SEH1L: variants seen among roughly 807,000 people sequenced by gnomAD.
SEH1L encodes SEH1 like nucleoporin.
SEH1L carries 18 observed loss-of-function variants against 49.5 expected under a neutral mutation model. That is an observed-to-expected ratio of 0.36 (90% CI 0.25 to 0.54). The LOEUF (loss-of-function observed/expected upper bound fraction) is 0.54. Among genes scored for constraint, SEH1L ranks in the 20% least tolerant of loss-of-function variants. The probability of loss-of-function intolerance (pLI) is 0.87; values close to 1 mark genes in which losing one functional copy is unlikely to be tolerated. For missense variants in SEH1L, 404 were observed against 528.8 expected, an observed-to-expected ratio of 0.76 and a Z score of 2.31; for synonymous variants, 169 against 178.1, an observed-to-expected ratio of 0.95 and a Z score of 0.41.
chr18:12,986,931 TC>T lies in SEH1L; in HGVS notation c.1142del (p.Pro381LeufsTer7). On this transcript the variant is annotated frameshift_variant, in exon 9 of 9. Coordinates refer to ENST00000399892, the MANE Select transcript of SEH1L (RefSeq NM_001013437.2). LOFTEE classifies it high-confidence loss of function. ...GGTCCAGTTATGCCCAGCTCCTTCC[TC>T]CTCCTCCTCCTCCTCTGGTAGAGCA... Reference protein sequence around the residue: ...RWSSYAQLLPPPPPPLVEHSC... With the variant: ...RWSSYAQLLPXPPPPLVEHSC... The T allele has an allele frequency of 6.2e-7, 1 of 1,609,148 alleles. No homozygotes were observed. The highest frequency in any genetic ancestry group is 8.5e-7 in the Non-Finnish European group (1 of 1,176,772).
At chr18:12,966,133 C>A (rs1465273236) in intron 4 of SEH1L, among the ~76,000 whole-genome samples, 2 of 150,054 alleles carry the variant, frequency 1.3e-5, no homozygotes, top group East Asian at 3.9e-4. Context: ...TGCTCTGTCA[C>A]CCAGGCTGGA....
intron 6 of SEH1L, among the ~76,000 whole-genome samples, chr18:12,979,305 C>G (rs576735881): frequency 5.7e-4 from 85 of 150,302 alleles, no homozygotes; most frequent in African/African-American, 2.1e-3. Context: ...ATCTGTTTAA[C>G]AAAGCACATC....
Position 12,963,279 on chromosome 18 carries a change from G to A in SEH1L, c.429G>A (p.Glu143=). 1 of 1,614,070 alleles carries A rather than the reference G, an allele frequency of 6.2e-7. No individual in the cohort carries two copies. Among genetic ancestry groups the A allele is most frequent in the Non-Finnish European group, 8.5e-7 (1 of 1,179,990 alleles). Residue 143 remains glutamate, a synonymous_variant, in exon 4 of 9, where the codon GAG becomes GAA. Transcript: ENST00000399892. ...CSADGIVRIY[E]APDVMNLSQW... ...CAGATGGTATAGTAAGAATCTATGA[G>A]GCACCAGATGTTATGAATCTCAGCC...
At chr18:12,969,656 C>A (rs1274292261) in intron 4 of SEH1L, among the ~76,000 whole-genome samples, 1 of 151,550 alleles carries the variant, frequency 6.6e-6, no homozygotes, top group African/African-American at 2.4e-5. Context: ...CCACTGCACT[C>A]CAGCCTGGCG....
rs1345283216 is a variant in SEH1L, at chr18:12,949,018, C to CTT, written c.111+798_111+799dup. Among the ~76,000 whole-genome samples, 3 of 143,062 alleles carry CTT rather than the reference C, an allele frequency of 2.1e-5. No individual in the cohort carries two copies. The East Asian group carries it at 6.2e-4, about 30-fold the overall frequency. The allele number at this position is 143,062 out of a possible 152,430, so 93.9% of individuals were successfully genotyped here. A position where few individuals can be genotyped will look rare whatever the true frequency, so the allele number is the denominator to read the frequency against. On this transcript the variant is annotated intron_variant, in intron 1 of 8. Transcript: ENST00000399892. ...GTGCACGCCACCACCCCCGGCTAAT[C>CTT]TTTTTTTTTTTTTGTATTTTTTAGT... is the stretch of plus-strand genomic sequence containing the variant.
Position 12,959,932 on chromosome 18 carries a change from G to T in SEH1L, c.310-3228G>T, listed in dbSNP as rs542010786. ...GATAGAGAAAGGTTTATTCGATTTGGCTAAAGCAAGAAGATGGGAGGGCAA... is the reference window on the plus strand; with the variant it reads ...GATAGAGAAAGGTTTATTCGATTTGTCTAAAGCAAGAAGATGGGAGGGCAA... On this transcript the variant is annotated intron_variant, in intron 3 of 8. Coordinates refer to ENST00000399892, the MANE Select transcript of SEH1L (RefSeq NM_001013437.2). 4.3e-4 allele frequency among the ~76,000 whole-genome samples: 66 copies of T among 152,266 alleles called. No individual in the cohort carries two copies. The South Asian group carries it at 7.5e-3, about 17-fold the overall frequency.
intron 8 of SEH1L, chr18:12,986,544 A>G: frequency 1.1e-5 from 11 of 968,240 alleles, no homozygotes; most frequent in Non-Finnish European, 1.4e-5. Context: ...GAGATTAGAA[A>G]ATGTTTTGAA....
At chr18:12,978,706 G>C in intron 5 of SEH1L, 46 bp from the exon 6 acceptor site, 1 of 1,530,972 alleles carries the variant, frequency 6.5e-7, no homozygotes, top group Non-Finnish European at 9.0e-7. Context: ...GTGGATTTTT[G>C]CACATTTTAT....
chr18:12,984,395 A>G (rs534178566), intron 8 of SEH1L, among the ~76,000 whole-genome samples: 24 of 152,360 alleles, frequency 1.6e-4, no homozygotes, highest in Admixed American at 9.8e-4. Flanking sequence ...AAGTCATTAC[A>G]TTATATTCTG....
intron 2 of SEH1L, 70 bp from the exon 3 acceptor site, chr18:12,955,393 G>A: frequency 7.0e-7 from 1 of 1,434,262 alleles, no homozygotes; most frequent in African/African-American, 1.4e-5. Context: ...ATATGAATAA[G>A]TATTTAGGAA....
intron 1 of SEH1L, among the ~76,000 whole-genome samples, chr18:12,949,837 C>T (rs1276797861): frequency 6.6e-6 from 1 of 152,024 alleles, no homozygotes; most frequent in African/African-American, 2.4e-5. Context: ...TGCCCATCTC[C>T]AGAACCTTTT....
intron 3 of SEH1L, 26 bp downstream of exon 3, chr18:12,955,635 G>T: frequency 6.2e-7 from 1 of 1,608,916 alleles, no homozygotes; most frequent in South Asian, 1.1e-5. Context: ...GTATTCTGGG[G>T]ACCGGGAAGA....
chr18:12,948,924 A>G (rs1386885807), intron 1 of SEH1L: 4 of 142,040 alleles, frequency 2.8e-5, no homozygotes. Flanking sequence ...ATCTCGGCTC[A>G]CTGCAACGTC....
intron 8 of SEH1L, 98 bp downstream of exon 8, chr18:12,984,288 T>A (rs759114145): frequency 3.9e-6 from 5 of 1,285,876 alleles, no homozygotes; most frequent in Non-Finnish European, 2.2e-6. Context: ...TAAGATGGAG[T>A]GGAAATGTTC....
intron 6 of SEH1L, among the ~76,000 whole-genome samples, chr18:12,980,026 C>T (rs1488760661): frequency 7.7e-6 from 1 of 130,042 alleles, no homozygotes; most frequent in East Asian, 2.8e-4. Context: ...CCCTCCCGGA[C>T]GGGCGGCTGA....
At chr18:12,960,424 A>G (rs1489359688) in intron 3 of SEH1L, among the ~76,000 whole-genome samples, 1 of 152,212 alleles carries the variant, frequency 6.6e-6, no homozygotes, top group Non-Finnish European at 1.5e-5. Flanking sequence ...GTTGAAAATA[A>G]TGGCTATATA....
At chr18:12,965,002 C>A (rs1227645529) in intron 4 of SEH1L, among the ~76,000 whole-genome samples, 1 of 145,640 alleles carries the variant, frequency 6.9e-6, no homozygotes, top group Non-Finnish European at 1.5e-5. Context: ...CCTTCCATTT[C>A]CTCATTCTTT....
At chr18:12,985,216 C>T in intron 8 of SEH1L, 2 of 1,603,826 alleles carry the variant, frequency 1.2e-6, no homozygotes, top group East Asian at 2.2e-5. Context: ...TTCCCTTTTC[C>T]ATTTGTATTA....
chr18:12,985,073 T>C (rs924743286), intron 8 of SEH1L, among the ~76,000 whole-genome samples: 1 of 152,186 alleles, frequency 6.6e-6, no homozygotes, highest in Non-Finnish European at 1.5e-5. Flanking sequence ...ACAAATAATA[T>C]TAGAGTTGAT....
Sources: allele counts gnomAD v4.1 joint callset (sites outside exome capture counted in the v4.1 genomes callset), GRCh38; gene constraint gnomAD v4.1.1; transcripts MANE v1.5; gene names NCBI Gene and HGNC (gene_info 2026-07-23, HGNC 2026-07-21).